The following GRIP1 variants were observed in gnomAD, a reference collection of about 807,000 sequenced individuals.
GRIP1 encodes glutamate receptor interacting protein 1, also known as glutamate receptor-interacting protein 1.
Under a neutral mutation model 129.9 loss-of-function variants are expected in GRIP1, and 45 were observed. That is an observed-to-expected ratio of 0.35 (90% CI 0.27 to 0.44). The LOEUF (loss-of-function observed/expected upper bound fraction) is 0.44. Ranked by LOEUF, GRIP1 falls within the 20% of genes least tolerant of loss-of-function variation. GRIP1 has a pLI of 1.00. For missense variants in GRIP1, 1,196 were observed against 1,396.8 expected (o/e 0.86, Z 2.29); for synonymous variants, 530 against 520.8 (o/e 1.02, Z -0.24).
chr12:66,995,356 A>C (rs1421323082), intron 1 of GRIP1, among the ~76,000 whole-genome samples: 10 of 152,140 alleles, frequency 6.6e-5, no homozygotes, highest in Non-Finnish European at 1.5e-4. Context: ...AATGAACTTC[A>C]TCAAAATTTA....
chr12:66,687,434 A>T (rs1011704548), intron 1 of GRIP1, among the ~76,000 whole-genome samples: 8 of 152,192 alleles, frequency 5.3e-5, no homozygotes, highest in African/African-American at 1.9e-4. Context: ...GCCTCAGGTT[A>T]AAATTCTAAT....
chr12:66,627,872 C>A (rs1262004765), intron 1 of GRIP1, among the ~76,000 whole-genome samples: 3 of 152,000 alleles, frequency 2.0e-5, no homozygotes, highest in Admixed American at 6.6e-5. Context: ...GAGAAGCCTG[C>A]CTGCCTGGGA....
At chr12:66,475,664 AT>A (rs1405780521) in intron 7 of GRIP1, among the ~76,000 whole-genome samples, 2 of 152,238 alleles carry the variant, frequency 1.3e-5, no homozygotes, top group East Asian at 3.8e-4. Flanking sequence ...AGAACTCAGG[AT>A]TAAGAAACTC....
chr12:66,579,650 G>T (rs183099935), intron 2 of GRIP1, among the ~76,000 whole-genome samples: 1 of 152,034 alleles, frequency 6.6e-6, no homozygotes. Context: ...TGGAAGAAAG[G>T]GTATCAGCAA....
At chr12:66,665,791 G>T (rs577834087) in intron 1 of GRIP1, among the ~76,000 whole-genome samples, 1 of 152,286 alleles carries the variant, frequency 6.6e-6, no homozygotes, top group East Asian at 1.9e-4. Context: ...AAAACTAGGA[G>T]TGGGACTGCT....
chr12:66,930,770 G>A (rs1294542264), intron 1 of GRIP1, among the ~76,000 whole-genome samples: 3 of 152,126 alleles, frequency 2.0e-5, no homozygotes, highest in Admixed American at 1.3e-4. Flanking sequence ...GATTTACTCT[G>A]TTTTCATCCT....
At position 67,033,271 on chromosome 12, in the gene GRIP1, G is replaced by GTATATATATATATA. The variant is rs3051221; in HGVS notation, c.58+35765_58+35778dup. Among the ~76,000 whole-genome samples, 356 of 143,000 alleles carry GTATATATATATATA rather than the reference G, an allele frequency of 2.5e-3. 1 individual carries two copies. The highest frequency in any genetic ancestry group is 4.2e-3 in the Admixed American group (60 of 14,184). The allele number at this position is 143,000 out of a possible 152,430, so 93.8% of individuals were successfully genotyped here. A position where few individuals can be genotyped will look rare whatever the true frequency, so the allele number is the denominator to read the frequency against. ...GGAGACCTGGGATCAAAGACTACAT[G>GTATATATATATATA]TATATATATATATATATATATAAAG... On this transcript the variant is annotated intron_variant, in intron 1 of 1. Coordinates refer to the GRIP1 transcript ENST00000643019.
At chr12:66,800,154 A>T (rs2038817163) in intron 1 of GRIP1, among the ~76,000 whole-genome samples, 1 of 152,196 alleles carries the variant, frequency 6.6e-6, no homozygotes, top group Non-Finnish European at 1.5e-5. Context: ...ATTTGTACAT[A>T]CAAATGACCC....
At chr12:66,871,836 T>C (rs2040301560) in intron 1 of GRIP1, among the ~76,000 whole-genome samples, 1 of 152,092 alleles carries the variant, frequency 6.6e-6, no homozygotes, top group Non-Finnish European at 1.5e-5. Flanking sequence ...CTGGGGCAAG[T>C]GGTTTTTCTT....
At chr12:66,499,429 T>C (rs1429465062) in intron 7 of GRIP1, among the ~76,000 whole-genome samples, 2 of 152,212 alleles carry the variant, frequency 1.3e-5, no homozygotes, top group Admixed American at 1.3e-4. Flanking sequence ...AGGCTCAAAA[T>C]CAAATACTCT....
intron 1 of GRIP1, among the ~76,000 whole-genome samples, chr12:66,785,343 CATAT>C (rs199738180): frequency 0.012 from 903 of 72,788 alleles, 70 homozygotes; most frequent in Middle Eastern, 0.017. Flanking sequence ...TACATACATA[CATAT>C]ATATATATAT....
At chr12:66,996,625 A>G (rs761563537) in intron 1 of GRIP1, among the ~76,000 whole-genome samples, 9 of 152,192 alleles carry the variant, frequency 5.9e-5, no homozygotes, top group Non-Finnish European at 1.2e-4. Context: ...CCACAGGGGT[A>G]AAAATGGCAT....
chr12:66,491,929 G>A (rs1161085083), intron 7 of GRIP1, among the ~76,000 whole-genome samples: 1 of 152,166 alleles, frequency 6.6e-6, no homozygotes, highest in Non-Finnish European at 1.5e-5. Flanking sequence ...TCTAAAAATA[G>A]TCGGGGCTGG....
intron 1 of GRIP1, among the ~76,000 whole-genome samples, chr12:66,931,657 C>T (rs2041398454): frequency 6.6e-6 from 1 of 152,100 alleles, no homozygotes; most frequent in African/African-American, 2.4e-5. Context: ...TATGTAAATC[C>T]TCTTTTAAAT....
chr12:66,590,175 C>T (rs543811845), intron 2 of GRIP1, among the ~76,000 whole-genome samples: 2 of 152,294 alleles, frequency 1.3e-5, no homozygotes, highest in African/African-American at 2.4e-5. Context: ...TGCCACCTCT[C>T]CTGTGACAAA....
intron 8 of GRIP1, among the ~76,000 whole-genome samples, chr12:66,463,728 G>T (rs1592369698): frequency 6.6e-6 from 1 of 152,136 alleles, no homozygotes; most frequent in East Asian, 1.9e-4. Flanking sequence ...GGTGAGTCAA[G>T]GGGAAAGATG....
rs928820897 is a variant in GRIP1 at position 66,973,293 on chromosome 12, AGGGGTTT to A, written c.58+95750_58+95756del. Among the ~76,000 whole-genome samples the A allele has an allele frequency of 1.6e-4, 24 of 151,146 alleles. No homozygotes were observed. In the East Asian group the frequency reaches 4.3e-3, roughly 27 times the overall value. On this transcript the variant is annotated intron_variant, in intron 1 of 1. Coordinates refer to the GRIP1 transcript ENST00000643019. ...AAAACCCACATTATGTAGGTTATTC[AGGGGTTT>A]GGGGTAGGTTTTTTTCTTTAACTTT...
intron 1 of GRIP1, among the ~76,000 whole-genome samples, chr12:66,815,018 A>G (rs1438971930): frequency 6.6e-6 from 1 of 152,204 alleles, no homozygotes. Context: ...GATTATAGGG[A>G]TTACAATTCG....
intron 1 of GRIP1, among the ~76,000 whole-genome samples, chr12:66,653,925 T>C (rs2136156296): frequency 6.6e-6 from 1 of 152,270 alleles, no homozygotes; most frequent in South Asian, 2.1e-4. Flanking sequence ...GACCTGATGT[T>C]CACAGCCTCA....
Sources: gnomAD v4.1 joint callset for allele counts (sites outside exome capture counted in the v4.1 genomes callset) on GRCh38, gnomAD v4.1.1 for gene constraint, MANE v1.5 for transcripts, NCBI Gene and HGNC (gene_info 2026-07-23, HGNC 2026-07-21) for gene names.